UBE2K: variants seen among roughly 807,000 people sequenced by gnomAD.
The protein encoded by UBE2K is ubiquitin-conjugating enzyme E2 K.
A neutral mutation model predicts 30.0 loss-of-function variants in UBE2K; 6 were observed. The observed-to-expected ratio is 0.20, with a 90% confidence interval of 0.11 to 0.39. The LOEUF is 0.39. UBE2K is among the 10% of genes least tolerant of loss of function. The pLI is 1.00. For synonymous variants in UBE2K, 86 were observed against 83.7 expected, an observed-to-expected ratio of 1.03 and a Z score of -0.15; for missense variants, 61 against 241.6, an observed-to-expected ratio of 0.25 and a Z score of 4.96.
Position 39,699,009 on chromosome 4 carries a change from C to T in UBE2K, c.63+619C>T, listed in dbSNP as rs532394435. On this transcript the variant is annotated intron_variant, in intron 1 of 6. Coordinates refer to ENST00000261427, the MANE Select transcript of UBE2K (RefSeq NM_005339.5). ...TTGGTGGCAGGGGTAAGGGAATTTT[C>T]ACCTGAGTTAGCAAGTTAATTCCAA... 5.9e-5 allele frequency among the ~76,000 whole-genome samples: 9 copies of T among 152,302 alleles called. No individual in the cohort carries two copies. The South Asian group carries it at 1.9e-3, about 32-fold the overall frequency.
intron 1 of UBE2K, among the ~76,000 whole-genome samples, chr4:39,736,393 T>C (rs987400162): frequency 2.0e-5 from 3 of 151,984 alleles, no homozygotes; most frequent in South Asian, 2.1e-4. Context: ...ACCCAGGAGG[T>C]GGAGGTTGCA....
At chr4:39,756,869 A>C (rs1350448116) in intron 4 of UBE2K, among the ~76,000 whole-genome samples, 2 of 152,152 alleles carry the variant, frequency 1.3e-5, no homozygotes, top group African/African-American at 4.8e-5. Flanking sequence ...TAACAGAACA[A>C]AATAGAACAG....
At chr4:39,730,239 T>G (rs458618) in intron 1 of UBE2K, among the ~76,000 whole-genome samples, 126,015 of 152,122 alleles carry the variant, frequency 0.83, 52,686 homozygotes, top group African/African-American at 0.94. Context: ...GGCTGGTGTG[T>G]AGTGGCACAG....
intron 4 of UBE2K, chr4:39,761,160 C>T (rs746204989): frequency 1.3e-5 from 2 of 152,104 alleles, no homozygotes; most frequent in Non-Finnish European, 2.9e-5. Context: ...CAGAGGACCA[C>T]CAGATTGCCT....
intron 1 of UBE2K, among the ~76,000 whole-genome samples, chr4:39,709,612 C>T (rs554503982): frequency 3.3e-5 from 5 of 152,038 alleles, no homozygotes; most frequent in South Asian, 4.1e-4. Flanking sequence ...CGTATAGGGT[C>T]GGTACTATCT....
intron 1 of UBE2K, among the ~76,000 whole-genome samples, chr4:39,724,695 C>T (rs1178848984): frequency 3.3e-5 from 5 of 150,470 alleles, no homozygotes; most frequent in East Asian, 1.9e-4. Flanking sequence ...ACTTTAGCCC[C>T]GGAGGCAAAA....
At chr4:39,743,268 T>G (rs1046093730) in intron 2 of UBE2K, among the ~76,000 whole-genome samples, 1 of 152,084 alleles carries the variant, frequency 6.6e-6, no homozygotes, top group African/African-American at 2.4e-5. Context: ...AGCACACAGT[T>G]TTTTATTTTA....
At chr4:39,749,642 G>A (rs937813132) in intron 3 of UBE2K, among the ~76,000 whole-genome samples, 1 of 152,184 alleles carries the variant, frequency 6.6e-6, no homozygotes, top group Non-Finnish European at 1.5e-5. Flanking sequence ...TCATGCCACT[G>A]CACTGCAGCC....
At chr4:39,753,145 T>C (rs760840681) in intron 3 of UBE2K, among the ~76,000 whole-genome samples, 1 of 152,190 alleles carries the variant, frequency 6.6e-6, no homozygotes, top group Non-Finnish European at 1.5e-5. Flanking sequence ...TCCTAGTACT[T>C]TGGGAGCCTA....
At position 39,729,037 on chromosome 4, in the gene UBE2K, C is replaced by T. The variant is rs562806739; in HGVS notation, c.64-8383C>T. Among the ~76,000 whole-genome samples the T allele has an allele frequency of 3.0e-4, 45 of 148,924 alleles. 1 individual carries two copies. Among genetic ancestry groups the T allele is most frequent in the African/African-American group, 1.0e-3 (42 of 40,230 alleles). On this transcript the variant is annotated intron_variant, in intron 1 of 6. Transcript: ENST00000261427. ...AAGCTGGAGTACTGTGCTTCTGTCT[C>T]GGCTTACTGCTCCCTCCGTGTCTTG... is the stretch of plus-strand genomic sequence containing the variant.
In UBE2K at chr4:39,767,309, T is replaced by TTTG. The variant is rs572005753; in HGVS notation, c.300-7524_300-7523insTGT. On this transcript the variant is annotated intron_variant, in intron 4 of 6. Transcript: ENST00000261427. ...GTTTTCTTTTTTTCTGTTTTTTTTT[T>TTTG]TGTGTGTGTGTTTTGTTTGTTTGTT... 3.6e-3 allele frequency among the ~76,000 whole-genome samples: 543 copies of TTTG among 150,964 alleles called. 6 individuals carry two copies. Among genetic ancestry groups the TTTG allele is most frequent in the African/African-American group, 0.013 (512 of 40,908 alleles).
chr4:39,741,605 C>G (rs1303903758), intron 2 of UBE2K, among the ~76,000 whole-genome samples: 1 of 152,092 alleles, frequency 6.6e-6, no homozygotes, highest in Non-Finnish European at 1.5e-5. Context: ...AATGAGGCAG[C>G]TGTTTTTGTA....
At chr4:39,731,292 A>G (rs1263916655) in intron 1 of UBE2K, among the ~76,000 whole-genome samples, 1 of 152,166 alleles carries the variant, frequency 6.6e-6, no homozygotes, top group African/African-American at 2.4e-5. Context: ...ACTTGTTTTT[A>G]GTAAGGATCA....
chr4:39,700,611 C>T (rs1274338665), intron 1 of UBE2K, among the ~76,000 whole-genome samples: 2 of 152,054 alleles, frequency 1.3e-5, no homozygotes, highest in Admixed American at 1.3e-4. Context: ...TAGTATAGTC[C>T]ATGTGTTTCC....
intron 3 of UBE2K, among the ~76,000 whole-genome samples, chr4:39,754,373 G>A (rs1416025404): frequency 6.6e-6 from 1 of 152,188 alleles, no homozygotes; most frequent in African/African-American, 2.4e-5. Context: ...GCGAATTAAA[G>A]TGCCTTTTTA....
At chr4:39,722,259 G>C (rs116206152) in intron 1 of UBE2K, among the ~76,000 whole-genome samples, 281 of 152,106 alleles carry the variant, frequency 1.8e-3, no homozygotes, top group African/African-American at 6.6e-3. Context: ...TGAAAATCCT[G>C]ATGTCTGTGA....
intron 3 of UBE2K, among the ~76,000 whole-genome samples, chr4:39,751,611 G>A (rs868604501): frequency 6.6e-6 from 1 of 152,144 alleles, no homozygotes; most frequent in Non-Finnish European, 1.5e-5. Context: ...GGAGCTCGAG[G>A]ATGCAGTGAG....
At chr4:39,706,300 A>C (rs1243597883) in intron 1 of UBE2K, among the ~76,000 whole-genome samples, 2 of 150,836 alleles carry the variant, frequency 1.3e-5, no homozygotes, top group Non-Finnish European at 3.0e-5. Flanking sequence ...ACAGGTGTGA[A>C]CCACCCTGTC....
At chr4:39,772,919 C>T (rs1712998159) in intron 4 of UBE2K, among the ~76,000 whole-genome samples, 1 of 151,684 alleles carries the variant, frequency 6.6e-6, no homozygotes, top group Non-Finnish European at 1.5e-5. Context: ...AACTCCTGAC[C>T]TCAGATGATT....
Sources: allele counts gnomAD v4.1 joint callset (sites outside exome capture counted in the v4.1 genomes callset), GRCh38; gene constraint gnomAD v4.1.1; transcripts MANE v1.5; gene names NCBI Gene and HGNC (gene_info 2026-07-23, HGNC 2026-07-21).